Variants in DMRT1 observed in about 807,000 individuals in gnomAD.
DMRT1 encodes the protein doublesex and mab-3 related transcription factor 1.
In DMRT1, 7 loss-of-function variants were observed where a neutral mutation model predicts 32.3. The ratio of observed to expected loss-of-function variants is 0.22; its 90% CI spans 0.12 to 0.41. DMRT1 has a LOEUF of 0.41. Among genes scored for constraint, DMRT1 ranks in the 10% least tolerant of loss-of-function variants. DMRT1 has a pLI of 1.00. For synonymous variants in DMRT1, 278 were observed against 206.1 expected (o/e 1.35, Z -2.99); for missense variants, 625 against 500.5 (o/e 1.25, Z -2.37).
chr9:888,770 C>T lies in DMRT1; in HGVS notation c.539-5142C>T, dbSNP rs183319466. On this transcript the variant is annotated intron_variant, in intron 2 of 4. Coordinates refer to ENST00000382276, the MANE Select transcript of DMRT1 (RefSeq NM_021951.3). ...AGGTATCTCATATTTTTAGGAATAG[C>T]GTGTGGAGCAGTTGCTTTGAATTTT... Among the ~76,000 whole-genome samples, 50 of 143,466 alleles carry T rather than the reference C, an allele frequency of 3.5e-4. No homozygotes were observed. In the East Asian group the frequency reaches 9.5e-3, roughly 27 times the overall value. 94.1% of individuals were successfully genotyped at this position (143,466 alleles called of 152,430 possible). A position where few individuals can be genotyped will look rare whatever the true frequency, so the allele number is the denominator to read the frequency against.
chr9:934,089 T>C lies in DMRT1; in HGVS notation c.967+17182T>C, dbSNP rs188658837. 4.6e-5 allele frequency among the ~76,000 whole-genome samples: 7 copies of C among 151,996 alleles called. No homozygotes were observed. In the South Asian group the frequency reaches 1.0e-3, roughly 23 times the overall value. ...AACTTGGTTGATCTCAGTCCAAGAA[T>C]AGTACTTGCCCAGAGTGGAAAACTT... On this transcript the variant is annotated intron_variant, in intron 4 of 4. Transcript: ENST00000382276.
In DMRT1 at chr9:875,755, C is replaced by G. The variant is rs764288214; in HGVS notation, c.539-18157C>G. Among the ~76,000 whole-genome samples the G allele has an allele frequency of 1.5e-4, 22 of 150,406 alleles. No homozygotes were observed. In the Admixed American group the frequency reaches 1.5e-3, roughly 10 times the overall value. ...TCTTTTCAGGTAAGATTTTGAGACA[C>G]GTGCATGTGTGTGTATGTATGTATG... On this transcript the variant is annotated intron_variant, in intron 2 of 4. Transcript: ENST00000382276.
Position 893,992 on chromosome 9 carries a change from T to C in DMRT1, c.619T>C (p.Ser207Pro), listed in dbSNP as rs1279736807. ...VENTPDLVSD[S>P]TYYSSFYQPS... ...GAACACACCTGACCTGGTTTCAGAC[T>C]CCACCTACTACAGCAGCTTCTACCA... Residue 207 changes from serine to proline, a missense_variant, in exon 3 of 5, where the codon TCC becomes CCC. By Grantham distance (74) the Ser-to-Pro change is moderately conservative (BLOSUM62 -1). Around this residue, in one of 3 missense-constraint regions of DMRT1, gnomAD observed 416 missense variants for 321.6 expected, o/e 1.29. Coordinates refer to ENST00000382276, the MANE Select transcript of DMRT1 (RefSeq NM_021951.3). The C allele has an allele frequency of 1.2e-6, 2 of 1,614,236 alleles. No individual in the cohort carries two copies. Among genetic ancestry groups the C allele is most frequent in the Admixed American group, 1.7e-5 (1 of 60,032 alleles).
chr9:875,922 C>T (rs1242645969), intron 2 of DMRT1, among the ~76,000 whole-genome samples: 1 of 152,138 alleles, frequency 6.6e-6, no homozygotes, highest in African/African-American at 2.4e-5. Flanking sequence ...GCCAGAAGCC[C>T]CTGTCTCTGG....
rs183784954 is a variant in DMRT1, at chr9:871,587, C to T, written c.539-22325C>T. Among the ~76,000 whole-genome samples, 779 of 147,090 alleles carry T rather than the reference C, an allele frequency of 5.3e-3. 9 individuals carry two copies. The highest frequency in any genetic ancestry group is 0.019 in the African/African-American group (732 of 37,930). ...CGATCTCCTGACCTCGTGATCCGCC[C>T]GCCTCTGCCTCCCAAAGTGCTGGGA... On this transcript the variant is annotated intron_variant, in intron 2 of 4. Coordinates refer to ENST00000382276, the MANE Select transcript of DMRT1 (RefSeq NM_021951.3).
At chr9:928,613 G>C (rs1818606182) in intron 4 of DMRT1, among the ~76,000 whole-genome samples, 1 of 152,124 alleles carries the variant, frequency 6.6e-6, no homozygotes, top group Non-Finnish European at 1.5e-5. Flanking sequence ...CATTGGCTTT[G>C]ACTCTTGGAG....
intron 4 of DMRT1, among the ~76,000 whole-genome samples, chr9:964,515 T>C (rs558208759): frequency 1.3e-5 from 2 of 152,294 alleles, no homozygotes; most frequent in African/African-American, 2.4e-5. Context: ...TTTCTTTTCC[T>C]TACTTTTCAG....
In DMRT1 at chr9:869,596, C is replaced by T. The variant is rs193022697; in HGVS notation, c.538+22453C>T. ...ATATTTCTCCCAAGGTCTCCTATCTCGGTTACTTGTAAGGCTACTCCTCCC... is the reference window on the plus strand; with the variant it reads ...ATATTTCTCCCAAGGTCTCCTATCTTGGTTACTTGTAAGGCTACTCCTCCC... On this transcript the variant is annotated intron_variant, in intron 2 of 4. Coordinates refer to ENST00000382276, the MANE Select transcript of DMRT1 (RefSeq NM_021951.3). Among the ~76,000 whole-genome samples, 246 of 152,252 alleles carry T rather than the reference C, an allele frequency of 1.6e-3. 2 individuals carry two copies. The highest frequency in any genetic ancestry group is 5.8e-3 in the African/African-American group (239 of 41,554).
rs145591701 is a variant in DMRT1, at chr9:902,708, C to T, written c.822+8513C>T. ...TTCGCCATGTTGGCCAGGTTGGTCT[C>T]GAACTCCTCACCTCGAGTGATCCGC... is the stretch of plus-strand genomic sequence containing the variant. On this transcript the variant is annotated intron_variant, in intron 3 of 4. Transcript: ENST00000382276. 1.4e-3 allele frequency among the ~76,000 whole-genome samples: 214 copies of T among 152,000 alleles called. 2 individuals are homozygous for T. Among genetic ancestry groups the T allele is most frequent in the Middle Eastern group, 3.4e-3 (1 of 294 alleles).
chr9:852,389 T>G (rs1163355372), intron 2 of DMRT1, among the ~76,000 whole-genome samples: 1 of 148,612 alleles, frequency 6.7e-6, no homozygotes, highest in Non-Finnish European at 1.5e-5. Context: ...AACTTTAGCA[T>G]AAAATGTACT....
intron 4 of DMRT1, among the ~76,000 whole-genome samples, chr9:922,857 G>A (rs1367717044): frequency 6.6e-6 from 1 of 151,612 alleles, no homozygotes; most frequent in Non-Finnish European, 1.5e-5. Context: ...CAGCAGTTCC[G>A]TGAAGCGAGT....
At chr9:865,337 G>T (rs1815934143) in intron 2 of DMRT1, among the ~76,000 whole-genome samples, 1 of 151,946 alleles carries the variant, frequency 6.6e-6, no homozygotes, top group South Asian at 2.1e-4. Context: ...ATTTAACTTT[G>T]TCTGTTTGTT....
intron 2 of DMRT1, among the ~76,000 whole-genome samples, chr9:892,969 T>C (rs1188138199): frequency 6.6e-6 from 1 of 152,182 alleles, no homozygotes; most frequent in Non-Finnish European, 1.5e-5. Context: ...TTTTTTTAAG[T>C]GCAACTCAGG....
At chr9:849,204 C>G (rs1237498857) in intron 2 of DMRT1, among the ~76,000 whole-genome samples, 1 of 152,136 alleles carries the variant, frequency 6.6e-6, no homozygotes, top group Non-Finnish European at 1.5e-5. Context: ...CCAGGCCTGT[C>G]TGGTTCCAAA....
intron 2 of DMRT1, among the ~76,000 whole-genome samples, chr9:849,823 C>CTG (rs1839062337): frequency 5.4e-5 from 4 of 73,668 alleles, no homozygotes; most frequent in African/African-American, 1.5e-4. Flanking sequence ...GGCTCTCTCT[C>CTG]TCTCTCTTTT....
intron 4 of DMRT1, among the ~76,000 whole-genome samples, chr9:931,737 TAG>T (rs1327774559): frequency 1.3e-5 from 2 of 152,224 alleles, no homozygotes; most frequent in Non-Finnish European, 2.9e-5. Context: ...ACACTAGTCT[TAG>T]AGAGTATGAC....
intron 4 of DMRT1, among the ~76,000 whole-genome samples, chr9:950,419 T>C (rs1819391177): frequency 6.6e-6 from 1 of 152,088 alleles, no homozygotes; most frequent in African/African-American, 2.4e-5. Flanking sequence ...ATTCAGATCC[T>C]GAGTACAAAT....
chr9:902,698 A>G (rs1394579651), intron 3 of DMRT1, among the ~76,000 whole-genome samples: 1 of 151,876 alleles, frequency 6.6e-6, no homozygotes, highest in Non-Finnish European at 1.5e-5. Context: ...CATGTTGGCC[A>G]GGTTGGTCTC....
intron 2 of DMRT1, among the ~76,000 whole-genome samples, chr9:854,946 T>C (rs555313748): frequency 6.0e-5 from 9 of 150,620 alleles, no homozygotes; most frequent in Non-Finnish European, 1.3e-4. Flanking sequence ...TTTTTGTATT[T>C]TTAGTAGAGA....
Sources: allele counts gnomAD v4.1 joint callset (sites outside exome capture counted in the v4.1 genomes callset), GRCh38; gene constraint gnomAD v4.1.1; regional missense constraint gnomAD v4.1.1; transcripts MANE v1.5; gene names NCBI Gene and HGNC (gene_info 2026-07-23, HGNC 2026-07-21).